The following PCDHGB2 variants were observed in gnomAD, a reference collection of about 807,000 sequenced individuals.
The protein encoded by PCDHGB2 is protocadherin gamma subfamily B, 2.
Under a neutral mutation model 59.3 loss-of-function variants are expected in PCDHGB2, and 55 were observed. The ratio of observed to expected loss-of-function variants is 0.93; its 90% CI spans 0.75 to 1.16. The LOEUF (loss-of-function observed/expected upper bound fraction) is 1.16, where lower values mean the gene tolerates loss of function less well. Among genes scored for constraint, PCDHGB2 ranks in the 50% most tolerant of loss-of-function variants. The pLI, the probability that PCDHGB2 is intolerant of heterozygous loss-of-function variation, is 0.00. For missense variants in PCDHGB2, 1,228 were observed against 1,198.5 expected (o/e 1.02, Z -0.36); for synonymous variants, 516 against 512.0 (o/e 1.01, Z -0.11).
At position 141,360,622 on chromosome 5, in the gene PCDHGB2, G is replaced by A. The variant is rs1761678618; in HGVS notation, c.487G>A (p.Gly163Ser). The A allele has an allele frequency of 1.9e-6, 3 of 1,613,988 alleles. No individual in the cohort carries two copies. The highest frequency in any genetic ancestry group is 2.5e-6 in the Non-Finnish European group (3 of 1,179,888). ...TGACCCAGCCCTGGATTCAGATGTTGGTCCTAACTCACTACAAAGATACCA... is the reference window on the plus strand; with the variant it reads ...TGACCCAGCCCTGGATTCAGATGTTAGTCCTAACTCACTACAAAGATACCA... ...PLDPALDSDV[G>S]PNSLQRYHLN... The change falls in exon 1 of 4, where the codon GGT becomes AGT. Residue 163 changes from glycine to serine, a missense_variant. This residue lies in a region of PCDHGB2 where 781 missense variants were observed against 721.6 expected (regional missense o/e 1.08). Transcript: ENST00000522605.
At chr5:141,463,103 A>G (rs1235750988) in intron 1 of PCDHGB2, among the ~76,000 whole-genome samples, 1 of 152,206 alleles carries the variant, frequency 6.6e-6, no homozygotes, top group African/African-American at 2.4e-5. Context: ...GTGACCATCA[A>G]GAATTCAGCT....
chr5:141,425,243 G>T (rs2096863760), intron 1 of PCDHGB2, among the ~76,000 whole-genome samples: 1 of 152,132 alleles, frequency 6.6e-6, no homozygotes, highest in Non-Finnish European at 1.5e-5. Flanking sequence ...AAATAAAAAG[G>T]ATATGAGGTA....
At chr5:141,494,763 C>T in intron 1 of PCDHGB2, 44 bp from the exon 2 acceptor site, 4 of 1,613,926 alleles carry the variant, frequency 2.5e-6, no homozygotes, top group Admixed American at 1.7e-5. Context: ...GACATTCTAA[C>T]TTCTCACGGG....
intron 1 of PCDHGB2, chr5:141,366,190 G>T (rs758700678): frequency 3.1e-6 from 5 of 1,613,816 alleles, no homozygotes; most frequent in African/African-American, 1.3e-5. Context: ...TTGCGGTTGG[G>T]CTGCACACGG....
chr5:141,445,388 A>G (rs2098465525), intron 1 of PCDHGB2, among the ~76,000 whole-genome samples: 2 of 152,212 alleles, frequency 1.3e-5, no homozygotes, highest in African/African-American at 4.8e-5. Flanking sequence ...TCATTCATTT[A>G]CATAACAAAT....
intron 1 of PCDHGB2, chr5:141,389,992 T>A: frequency 6.2e-7 from 1 of 1,614,010 alleles, no homozygotes. Context: ...CTCTTCCTCG[T>A]GGCCATGATT....
At chr5:141,436,849 T>C (rs1007573014) in intron 1 of PCDHGB2, among the ~76,000 whole-genome samples, 11 of 152,256 alleles carry the variant, frequency 7.2e-5, no homozygotes, top group African/African-American at 2.7e-4. Context: ...ACATTCTTGA[T>C]TGAGAAGCCA....
At chr5:141,481,472 A>G (rs2099538174) in intron 1 of PCDHGB2, among the ~76,000 whole-genome samples, 1 of 152,246 alleles carries the variant, frequency 6.6e-6, no homozygotes, top group Non-Finnish European at 1.5e-5. Context: ...CCATTGGATT[A>G]TACACTTTAA....
At position 141,487,179 on chromosome 5, in the gene PCDHGB2, C is replaced by T. The variant is rs768886732; in HGVS notation, c.2422-7628C>T. Reference sequence around the variant, plus strand: ...CTCTTAGTGTCCTTAGAGGAAGACACTCATCCAGTTGTCCCAGATCTTCGA... The same window carrying T: ...CTCTTAGTGTCCTTAGAGGAAGACATTCATCCAGTTGTCCCAGATCTTCGA... On this transcript the variant is annotated intron_variant, in intron 1 of 3. Transcript: ENST00000522605. This position sits in a 1 kb window ranked among gnomAD's most constrained non-coding sequence, Gnocchi z 5.0. 6.2e-6 allele frequency: 10 copies of T among 1,613,474 alleles called. No individual in the cohort carries two copies. Among genetic ancestry groups the T allele is most frequent in the Non-Finnish European group, 6.8e-6 (8 of 1,179,370 alleles).
In PCDHGB2 at chr5:141,485,079, A is replaced by C; in HGVS notation, c.2422-9728A>C. ...AACCGCGCCAGAGCTGGCGCGGGGA[A>C]AGGGAGATAGGTGTCTCCAGCTGCT... is the stretch of plus-strand genomic sequence containing the variant. On this transcript the variant is annotated intron_variant, in intron 1 of 3. Transcript: ENST00000522605. This position sits in a 1 kb window ranked among gnomAD's most constrained non-coding sequence, Gnocchi z 5.7. 1 of 949,456 alleles carries C rather than the reference A, an allele frequency of 1.1e-6. No individual in the cohort carries two copies. The highest frequency in any genetic ancestry group is 1.6e-6 in the Non-Finnish European group (1 of 614,758). 58.8% of individuals were successfully genotyped at this position (949,456 alleles called of 1,614,324 possible).
intron 1 of PCDHGB2, chr5:141,400,677 ATTGTGAGTT>A (rs1177028391): frequency 1.1e-6 from 1 of 900,130 alleles, no homozygotes; most frequent in African/African-American, 1.7e-5. Flanking sequence ...GGAGCAGTAA[ATTGTGAGTT>A]TTTATGTCGC....
intron 1 of PCDHGB2, chr5:141,366,161 G>A: frequency 6.2e-7 from 1 of 1,614,092 alleles, no homozygotes; most frequent in Non-Finnish European, 8.5e-7. Context: ...CCTGCTTAAG[G>A]CCAGCGAGCC....
At chr5:141,381,261 C>G (rs1221626643) in intron 1 of PCDHGB2, among the ~76,000 whole-genome samples, 2 of 152,248 alleles carry the variant, frequency 1.3e-5, no homozygotes, top group Non-Finnish European at 2.9e-5. Flanking sequence ...AATTTACAAA[C>G]CAAGACTGTT....
At chr5:141,499,698 T>C (rs1312388510) in intron 2 of PCDHGB2, among the ~76,000 whole-genome samples, 2 of 149,810 alleles carry the variant, frequency 1.3e-5, no homozygotes, top group African/African-American at 2.5e-5. Context: ...ACTTTTTTTT[T>C]TTTTTTTTTT....
chr5:141,423,053 T>C lies in PCDHGB2; in HGVS notation c.2421+60497T>C, dbSNP rs200154593. 1.4e-4 allele frequency: 219 copies of C among 1,614,170 alleles called. 1 individual carries two copies. The African/African-American group carries it at 2.5e-3, about 18-fold the overall frequency. ...CAGAACGCCTGGCTGTCCTATCGCCTGCTTAAGGCCAGCGAGCCGGGACTC... is the reference window on the plus strand; with the variant it reads ...CAGAACGCCTGGCTGTCCTATCGCCCGCTTAAGGCCAGCGAGCCGGGACTC... On this transcript the variant is annotated intron_variant, in intron 1 of 3. Coordinates refer to ENST00000522605, the MANE Select transcript of PCDHGB2 (RefSeq NM_018923.3).
chr5:141,476,421 C>G lies in PCDHGB2; in HGVS notation c.2422-18386C>G. 1 of 1,614,026 alleles carries G rather than the reference C, an allele frequency of 6.2e-7. No homozygotes were observed. Among genetic ancestry groups the G allele is most frequent in the South Asian group, 1.1e-5 (1 of 91,066 alleles). On this transcript the variant is annotated intron_variant, in intron 1 of 3. Transcript: ENST00000522605. The surrounding 1 kb of genome is among the most constrained non-coding windows in gnomAD (Gnocchi z 7.6). ...CGAGAGGAGCTGTGTGGGACACTGC[C>G]CTCTTGCACTGTAACTCTGGAGTTG...
chr5:141,501,141 A>G (rs940603527), intron 2 of PCDHGB2, among the ~76,000 whole-genome samples: 8 of 152,184 alleles, frequency 5.3e-5, no homozygotes, highest in Admixed American at 5.2e-4. Context: ...TGCTGGGATT[A>G]CAGGTGGGAG....
chr5:141,372,242 G>C (rs965293763), intron 1 of PCDHGB2: 3 of 1,613,274 alleles, frequency 1.9e-6, no homozygotes, highest in Non-Finnish European at 2.5e-6. Context: ...AGCCCGGGCT[G>C]TTCAGCCTGG....
chr5:141,362,239 C>T lies in PCDHGB2; in HGVS notation c.2104C>T (p.Leu702Phe). 6.2e-7 allele frequency: 1 copy of T among 1,614,060 alleles called. No homozygotes were observed. The highest frequency in any genetic ancestry group is 8.5e-7 in the Non-Finnish European group (1 of 1,179,902). ...TGTGGCCTTGGCCTTGATCTCAGTG[C>T]TCTTCTTCCTCGCGGTGATTCTGGC... ...LVVALALISVLFFLAVILAIS... is the reference protein window; with the variant it reads ...LVVALALISVFFFLAVILAIS... The change falls in exon 1 of 4, where the codon CTC (leucine) becomes TTC (phenylalanine). Residue 702 changes from leucine to phenylalanine, a missense_variant. Physicochemically the swap from Leu to Phe is conservative, Grantham distance 22 (BLOSUM62 0). Transcript: ENST00000522605.
Sources: gnomAD v4.1 joint callset for allele counts (sites outside exome capture counted in the v4.1 genomes callset) on GRCh38, gnomAD v4.1.1 for gene constraint, gnomAD v4.1.1 regional missense constraint, Gnocchi (gnomAD v3.1) non-coding constraint, MANE v1.5 for transcripts, NCBI Gene and HGNC (gene_info 2026-07-23, HGNC 2026-07-21) for gene names.